The following ASTN2 variants were observed in gnomAD, a reference collection of about 807,000 sequenced individuals.
ASTN2 encodes the protein astrotactin 2, also known as astrotactin-2.
In ASTN2, 54 loss-of-function variants were observed where a neutral mutation model predicts 139.8. The observed-to-expected ratio is 0.39, with a 90% confidence interval of 0.31 to 0.48. The LOEUF is 0.48. ASTN2 is among the 20% of genes least tolerant of loss of function. The probability of loss-of-function intolerance (pLI) is 0.95; values close to 1 mark genes in which losing one functional copy is unlikely to be tolerated. For synonymous variants in ASTN2, 756 were observed against 719.5 expected (o/e 1.05, Z -0.81); for missense variants, 1,565 against 1,725.1 (o/e 0.91, Z 1.64).
chr9:117,291,770 A>G (rs947384516), intron 1 of ASTN2, among the ~76,000 whole-genome samples: 1 of 152,246 alleles, frequency 6.6e-6, no homozygotes, highest in Non-Finnish European at 1.5e-5. Flanking sequence ...TTTTTAGTAC[A>G]TCACATGTGA....
intron 1 of ASTN2, among the ~76,000 whole-genome samples, chr9:117,338,518 C>CTT (rs1285978530): frequency 2.6e-5 from 4 of 152,128 alleles, no homozygotes; most frequent in Non-Finnish European, 5.9e-5. Flanking sequence ...AGAAAAGGTC[C>CTT]TTTCTCTAAG....
intron 20 of ASTN2, among the ~76,000 whole-genome samples, chr9:116,476,063 CT>C (rs980344927): frequency 1.3e-5 from 2 of 152,212 alleles, no homozygotes; most frequent in African/African-American, 4.8e-5. Context: ...GTTCTAGAGG[CT>C]AGACGTGTGA....
chr9:116,998,970 A>T (rs937107820), intron 7 of ASTN2, among the ~76,000 whole-genome samples: 6 of 152,210 alleles, frequency 3.9e-5, no homozygotes, highest in Non-Finnish European at 2.9e-5. Flanking sequence ...ATCTGTAAAC[A>T]TTAGAAATAT....
At chr9:117,397,713 A>G (rs2130956082) in intron 1 of ASTN2, among the ~76,000 whole-genome samples, 1 of 152,318 alleles carries the variant, frequency 6.6e-6, no homozygotes, top group East Asian at 1.9e-4. Flanking sequence ...ACTTTAATGG[A>G]CTTTTTCTAC....
chr9:117,188,186 GAGAGAGAC>G (rs1434425704), intron 3 of ASTN2, among the ~76,000 whole-genome samples: 2 of 66,880 alleles, frequency 3.0e-5, no homozygotes, highest in East Asian at 1.1e-3. Context: ...GAGAGAGAGA[GAGAGAGAC>G]AGAGAGAGAG....
At chr9:116,493,302 C>G (rs1252132066) in intron 19 of ASTN2, among the ~76,000 whole-genome samples, 1 of 152,202 alleles carries the variant, frequency 6.6e-6, no homozygotes, top group Non-Finnish European at 1.5e-5. Context: ...GCTGCTGCTT[C>G]TGCCTCGCCC....
chr9:117,272,587 GA>G (rs1167333582), intron 2 of ASTN2, among the ~76,000 whole-genome samples: 1 of 152,130 alleles, frequency 6.6e-6, no homozygotes, highest in East Asian at 1.9e-4. Context: ...TTTTAAAGTG[GA>G]ATGCTTTTAA....
intron 4 of ASTN2, among the ~76,000 whole-genome samples, chr9:117,103,421 C>A (rs1437054213): frequency 6.6e-6 from 1 of 152,132 alleles, no homozygotes; most frequent in African/African-American, 2.4e-5. Context: ...GGAATTTGAC[C>A]CCAGGTGTGC....
In ASTN2 at chr9:117,152,650, T is replaced by C. The variant is rs1481650024; in HGVS notation, c.1016-11172A>G. Among the ~76,000 whole-genome samples, 6 of 152,320 alleles carry C rather than the reference T, an allele frequency of 3.9e-5. No homozygotes were observed. In the East Asian group the frequency reaches 1.2e-3, roughly 29 times the overall value. On this transcript the variant is annotated intron_variant, in intron 3 of 22. Coordinates refer to ENST00000313400, the MANE Select transcript of ASTN2 (RefSeq NM_001365068.1). Reference sequence around the variant, plus strand: ...TATAAAACTGTTGCTGACAGATTTATATTAAACTGTTACATGCCAGAAAAA... The same window carrying C: ...TATAAAACTGTTGCTGACAGATTTACATTAAACTGTTACATGCCAGAAAAA...
chr9:116,960,869 C>T (rs1403740905), intron 10 of ASTN2, among the ~76,000 whole-genome samples: 1 of 152,194 alleles, frequency 6.6e-6, no homozygotes, highest in Non-Finnish European at 1.5e-5. Flanking sequence ...GACACCTGCA[C>T]AGCTGACTCA....
chr9:117,340,483 A>G (rs952769944), intron 1 of ASTN2, among the ~76,000 whole-genome samples: 3 of 152,086 alleles, frequency 2.0e-5, no homozygotes, highest in Non-Finnish European at 4.4e-5. Context: ...ACCTCTAAAG[A>G]ATACATCAAG....
In ASTN2 at chr9:117,016,648, A is replaced by AGGT. The variant is rs1564386015; in HGVS notation, c.1424-8390_1424-8389insACC. On this transcript the variant is annotated intron_variant, in intron 6 of 22. Transcript: ENST00000313400. ...TCTATATATATATATATATATATAT[A>AGGT]TATATATAACCTATATATATGTTAC... is the stretch of plus-strand genomic sequence containing the variant. Among the ~76,000 whole-genome samples, 11 of 103,892 alleles carry AGGT rather than the reference A, an allele frequency of 1.1e-4. 1 individual carries two copies. Among genetic ancestry groups the AGGT allele is most frequent in the South Asian group, 3.2e-4 (1 of 3,104 alleles). 68.2% of individuals were successfully genotyped at this position (103,892 alleles called of 152,430 possible).
chr9:117,009,786 A>G (rs751543375), intron 6 of ASTN2, among the ~76,000 whole-genome samples: 1 of 152,218 alleles, frequency 6.6e-6, no homozygotes, highest in South Asian at 2.1e-4. Context: ...TCTATCTGTC[A>G]GGTCACATCT....
chr9:117,243,312 A>T (rs886374771), intron 2 of ASTN2, among the ~76,000 whole-genome samples: 1 of 152,214 alleles, frequency 6.6e-6, no homozygotes, highest in East Asian at 1.9e-4. Context: ...CTGAGAACAG[A>T]CTGAATTAGA....
chr9:116,555,511 C>T (rs534573573), intron 19 of ASTN2, among the ~76,000 whole-genome samples: 17 of 152,222 alleles, frequency 1.1e-4, no homozygotes, highest in Non-Finnish European at 2.2e-4. Flanking sequence ...TTTCCTCTCC[C>T]GACTCTGTGC....
intron 13 of ASTN2, among the ~76,000 whole-genome samples, chr9:116,798,163 C>T (rs1321554958): frequency 1.3e-5 from 2 of 152,308 alleles, no homozygotes. Context: ...CCCAGCTACT[C>T]TGGAGGCTGA....
At position 116,681,191 on chromosome 9, in the gene ASTN2, T is replaced by A. The variant is rs189768638; in HGVS notation, c.2807-29398A>T. ...TTCAGCAAAGTCTCAGGATACAAAA[T>A]CAATGTACAAAAATCACAAGCATTC... On this transcript the variant is annotated intron_variant, in intron 16 of 22. Transcript: ENST00000313400. 7.3e-4 allele frequency among the ~76,000 whole-genome samples: 111 copies of A among 152,242 alleles called. 1 individual carries two copies. Among genetic ancestry groups the A allele is most frequent in the Middle Eastern group, 3.4e-3 (1 of 294 alleles).
Position 117,332,562 on chromosome 9 carries a change from T to TCAAA in ASTN2, c.443-41053_443-41050dup, listed in dbSNP as rs546995158. On this transcript the variant is annotated intron_variant, in intron 1 of 22. Transcript: ENST00000313400. The stretch of plus-strand genomic sequence containing the variant: ...GCCTGGGTGACAGTGAGACTCCATC[T>TCAAA]CAAACAAACAAACAAACAAACAACA... 5.2e-3 allele frequency among the ~76,000 whole-genome samples: 788 copies of TCAAA among 152,120 alleles called. 10 individuals carry two copies. Among genetic ancestry groups the TCAAA allele is most frequent in the African/African-American group, 0.017 (708 of 41,454 alleles).
chr9:117,273,961 G>C (rs1347308406), intron 2 of ASTN2, among the ~76,000 whole-genome samples: 2 of 152,158 alleles, frequency 1.3e-5, no homozygotes, highest in African/African-American at 2.4e-5. Flanking sequence ...TTCACCTTCT[G>C]AGGAGTAGAA....
Sources: allele counts gnomAD v4.1 joint callset (sites outside exome capture counted in the v4.1 genomes callset), GRCh38; gene constraint gnomAD v4.1.1; transcripts MANE v1.5; gene names NCBI Gene and HGNC (gene_info 2026-07-23, HGNC 2026-07-21).